SEMA3A: variants seen among roughly 807,000 people sequenced by gnomAD.
The protein encoded by SEMA3A is semaphorin-3A.
Under a neutral mutation model 97.9 loss-of-function variants are expected in SEMA3A, and 29 were observed. The ratio of observed to expected loss-of-function variants is 0.30; its 90% CI spans 0.22 to 0.40. SEMA3A has a LOEUF of 0.40. Among genes scored for constraint, SEMA3A ranks in the 10% least tolerant of loss-of-function variants. The pLI is 1.00. For missense variants in SEMA3A, 763 were observed against 951.3 expected (o/e 0.80, Z 2.60); for synonymous variants, 321 against 323.7 (o/e 0.99, Z 0.09).
chr7:84,235,783 C>A (rs1350065488), intron 3 of SEMA3A, among the ~76,000 whole-genome samples: 1 of 151,854 alleles, frequency 6.6e-6, no homozygotes, highest in Non-Finnish European at 1.5e-5. Context: ...CTAACATGGT[C>A]GAGTATACTG....
chr7:84,270,955 AG>A (rs1431268444), intron 3 of SEMA3A, among the ~76,000 whole-genome samples: 2 of 152,018 alleles, frequency 1.3e-5, no homozygotes, highest in African/African-American at 4.8e-5. Flanking sequence ...CCTATTGAAT[AG>A]GTTGACATTT....
chr7:84,130,744 G>T (rs1195044877), intron 2 of SEMA3A, among the ~76,000 whole-genome samples: 1 of 151,946 alleles, frequency 6.6e-6, no homozygotes, highest in Non-Finnish European at 1.5e-5. Context: ...TAATGGAAGA[G>T]GGTAAAACAT....
intron 3 of SEMA3A, among the ~76,000 whole-genome samples, chr7:84,293,542 T>G (rs561905621): frequency 6.6e-6 from 1 of 152,140 alleles, no homozygotes; most frequent in East Asian, 1.9e-4. Flanking sequence ...CAATTACATA[T>G]TTTGTTAAAA....
At chr7:84,274,599 A>C (rs1800245677) in intron 3 of SEMA3A, among the ~76,000 whole-genome samples, 1 of 152,086 alleles carries the variant, frequency 6.6e-6, no homozygotes, top group Non-Finnish European at 1.5e-5. Context: ...AAATAAATAT[A>C]TCTCTACTAG....
chr7:84,016,373 A>G (rs1429842635), intron 6 of SEMA3A, among the ~76,000 whole-genome samples: 1 of 151,996 alleles, frequency 6.6e-6, no homozygotes, highest in Non-Finnish European at 1.5e-5. Flanking sequence ...GCCTGTCTCT[A>G]CTAAAAATAC....
chr7:83,961,894 G>T, intron 16 of SEMA3A, 68 bp from the exon 17 acceptor site: 2 of 1,220,456 alleles, frequency 1.6e-6, no homozygotes, highest in South Asian at 1.4e-5. Context: ...CTGAAACTCC[G>T]TGTCTGTAAA....
intron 4 of SEMA3A, among the ~76,000 whole-genome samples, chr7:84,102,117 T>C (rs1209986227): frequency 1.3e-5 from 2 of 152,170 alleles, no homozygotes; most frequent in African/African-American, 2.4e-5. Context: ...TGATAGACTC[T>C]AATGGAAATT....
intron 2 of SEMA3A, among the ~76,000 whole-genome samples, chr7:84,319,475 A>C (rs1801594375): frequency 6.6e-6 from 1 of 152,216 alleles, no homozygotes; most frequent in Non-Finnish European, 1.5e-5. Flanking sequence ...TAACTTCATC[A>C]GTAAAAGTTA....
intron 2 of SEMA3A, among the ~76,000 whole-genome samples, chr7:84,353,796 A>C (rs1170316555): frequency 1.3e-5 from 2 of 151,756 alleles, no homozygotes; most frequent in East Asian, 1.9e-4. Flanking sequence ...ACAATGTTAA[A>C]ATATGGTAAA....
At chr7:84,296,187 G>A (rs796225341) in intron 3 of SEMA3A, among the ~76,000 whole-genome samples, 8 of 152,136 alleles carry the variant, frequency 5.3e-5, no homozygotes, top group African/African-American at 1.4e-4. Flanking sequence ...AAATATGAAC[G>A]TATTTTTTTT....
At chr7:84,341,060 A>C (rs1802155988) in intron 2 of SEMA3A, among the ~76,000 whole-genome samples, 1 of 152,208 alleles carries the variant, frequency 6.6e-6, no homozygotes, top group African/African-American at 2.4e-5. Flanking sequence ...TTCCATGTAC[A>C]AAGCAAAACA....
In SEMA3A at chr7:83,959,914, C is replaced by T. The variant is rs1050591910; in HGVS notation, c.*1457G>A. The T allele has an allele frequency of 6.6e-6, 1 of 151,960 alleles. No homozygotes were observed. The highest frequency in any genetic ancestry group is 2.4e-5 in the African/African-American group (1 of 41,398). 9.4% of individuals were successfully genotyped at this position (151,960 alleles called of 1,614,324 possible). A position where few individuals can be genotyped will look rare whatever the true frequency, so the allele number is the denominator to read the frequency against. Reference sequence around the variant, plus strand: ...CAAATCTTGAATTTTAGTCTTTTACCTTATTTTGTAAGTTGTTGCAGGAAA... The same window carrying T: ...CAAATCTTGAATTTTAGTCTTTTACTTTATTTTGTAAGTTGTTGCAGGAAA... On this transcript the variant is annotated 3_prime_UTR_variant, in exon 17 of 17. Transcript: ENST00000265362.
intron 3 of SEMA3A, among the ~76,000 whole-genome samples, chr7:84,123,946 T>C (rs978648766): frequency 1.2e-4 from 19 of 152,124 alleles, no homozygotes; most frequent in African/African-American, 4.1e-4. Flanking sequence ...ATTTAATATA[T>C]GTGTTTGGTG....
At chr7:84,325,396 A>C (rs1007985419) in intron 2 of SEMA3A, among the ~76,000 whole-genome samples, 1 of 152,038 alleles carries the variant, frequency 6.6e-6, no homozygotes, top group African/African-American at 2.4e-5. Flanking sequence ...GGTCAGGGAG[A>C]ACTTCTCTGG....
At chr7:84,445,484 A>G (rs544322699) in intron 1 of SEMA3A, among the ~76,000 whole-genome samples, 115 of 112,840 alleles carry the variant, frequency 1.0e-3, no homozygotes, top group African/African-American at 4.0e-3. Flanking sequence ...ACAGAGTGAG[A>G]CTCCATCTCA....
chr7:84,429,747 G>A (rs1232430727), intron 1 of SEMA3A, among the ~76,000 whole-genome samples: 1 of 150,628 alleles, frequency 6.6e-6, no homozygotes, highest in Non-Finnish European at 1.5e-5. Flanking sequence ...CAGGTAAGAC[G>A]CACAAAAGAA....
At chr7:84,070,324 CTG>C (rs1793693018) in intron 4 of SEMA3A, among the ~76,000 whole-genome samples, 1 of 152,190 alleles carries the variant, frequency 6.6e-6, no homozygotes, top group South Asian at 2.1e-4. Flanking sequence ...TGTTATTAGA[CTG>C]TGGTGAGGTA....
intron 6 of SEMA3A, among the ~76,000 whole-genome samples, chr7:84,016,204 T>C (rs1259771725): frequency 7.0e-6 from 1 of 143,146 alleles, no homozygotes; most frequent in African/African-American, 2.8e-5. Context: ...AAAGTTAGGC[T>C]CCAGAAATGT....
intron 3 of SEMA3A, among the ~76,000 whole-genome samples, chr7:84,205,463 C>T (rs1249535073): frequency 6.6e-6 from 1 of 152,164 alleles, no homozygotes; most frequent in Non-Finnish European, 1.5e-5. Flanking sequence ...TATCTTTTAA[C>T]AGTTTCTCAG....
Sources: gnomAD v4.1 joint callset for allele counts (sites outside exome capture counted in the v4.1 genomes callset) on GRCh38, gnomAD v4.1.1 for gene constraint, MANE v1.5 for transcripts, NCBI Gene and HGNC (gene_info 2026-07-23, HGNC 2026-07-21) for gene names.